DENND1B: variants seen among roughly 807,000 people sequenced by gnomAD.
DENND1B encodes the protein DENN domain containing 1B, also known as DENN domain-containing protein 1B.
DENND1B carries 59 observed loss-of-function variants against 90.1 expected under a neutral mutation model. The observed-to-expected ratio is 0.65, with a 90% CI of 0.53 to 0.81. The LOEUF (loss-of-function observed/expected upper bound fraction) is 0.81. Among genes scored for constraint, DENND1B ranks in the 40% least tolerant of loss-of-function variants. The pLI is 0.00. For synonymous variants in DENND1B, 337 were observed against 324.6 expected (o/e 1.04, Z -0.41); for missense variants, 862 against 912.6 (o/e 0.94, Z 0.71).
chr1:197,604,469 G>A (rs1012266335), intron 13 of DENND1B, among the ~76,000 whole-genome samples: 5 of 151,186 alleles, frequency 3.3e-5, no homozygotes, highest in African/African-American at 7.3e-5. Flanking sequence ...ATGCAACACA[G>A]CAGAGGGTCC....
At chr1:197,626,093 G>C (rs1210487361) in intron 10 of DENND1B, among the ~76,000 whole-genome samples, 1 of 151,974 alleles carries the variant, frequency 6.6e-6, no homozygotes, top group African/African-American at 2.4e-5. Context: ...ACACCCCACT[G>C]TCAACATTAG....
In DENND1B at chr1:197,754,659, CAAAAAAAAAA is replaced by C. The variant is rs57926782; in HGVS notation, c.82+18199_82+18208del. Among the ~76,000 whole-genome samples the C allele has an allele frequency of 3.2e-4, 23 of 72,892 alleles. 1 individual carries two copies. Among genetic ancestry groups the C allele is most frequent in the African/African-American group, 1.1e-3 (20 of 18,074 alleles). The allele number at this position is 72,892 out of a possible 152,430, so 47.8% of individuals were successfully genotyped here. On this transcript the variant is annotated intron_variant, in intron 2 of 22. Coordinates refer to ENST00000620048, the MANE Select transcript of DENND1B (RefSeq NM_001195215.2). ...TGGGCAACAATGCGAGACTCTGTCT[CAAAAAAAAAA>C]AAAAAAAAAAAAAAAAAAACTGATA...
chr1:197,580,582 G>A (rs753374178), intron 15 of DENND1B, among the ~76,000 whole-genome samples: 6 of 152,006 alleles, frequency 3.9e-5, no homozygotes, highest in East Asian at 1.9e-4. Context: ...TTTAAATTTC[G>A]TTTGAGTTTT....
At chr1:197,696,746 TG>T (rs1658468632) in intron 3 of DENND1B, among the ~76,000 whole-genome samples, 1 of 151,454 alleles carries the variant, frequency 6.6e-6, no homozygotes, top group Admixed American at 6.6e-5. Flanking sequence ...TCCTCTGACT[TG>T]TCACTCATTC....
At chr1:197,756,351 G>C (rs897178129) in intron 2 of DENND1B, among the ~76,000 whole-genome samples, 1 of 152,112 alleles carries the variant, frequency 6.6e-6, no homozygotes, top group African/African-American at 2.4e-5. Context: ...GAGGCAGGCA[G>C]ATCACTTGAG....
At chr1:197,628,076 A>G (rs1196065901) in intron 10 of DENND1B, among the ~76,000 whole-genome samples, 3 of 152,208 alleles carry the variant, frequency 2.0e-5, no homozygotes, top group Non-Finnish European at 4.4e-5. Flanking sequence ...GGAAGAATCA[A>G]TATCATGAAA....
At position 197,553,007 on chromosome 1, in the gene DENND1B, G is replaced by A; in HGVS notation, c.1240+15C>T. The A allele has an allele frequency of 1.9e-6, 3 of 1,571,656 alleles. No individual in the cohort carries two copies. The highest frequency in any genetic ancestry group is 2.4e-5 in the South Asian group (2 of 82,160). On this transcript the variant is annotated intron_variant, in intron 16 of 22. Coordinates refer to ENST00000620048, the MANE Select transcript of DENND1B (RefSeq NM_001195215.2). Reference sequence around the variant, plus strand: ...TATTGAGAAAATGGATAATCATATTGTAACTTGTCTTTACCTCCACAAAAG... The same window carrying A: ...TATTGAGAAAATGGATAATCATATTATAACTTGTCTTTACCTCCACAAAAG...
chr1:197,539,367 C>T (rs1045397181), intron 20 of DENND1B, among the ~76,000 whole-genome samples: 1 of 151,904 alleles, frequency 6.6e-6, no homozygotes, highest in African/African-American at 2.4e-5. Context: ...ACTTAAGATA[C>T]AATTTTGTAT....
At chr1:197,588,126 C>T (rs1674871485) in intron 14 of DENND1B, among the ~76,000 whole-genome samples, 1 of 152,200 alleles carries the variant, frequency 6.6e-6, no homozygotes, top group African/African-American at 2.4e-5. Flanking sequence ...CCCTGCCCTG[C>T]AGCACCCAAC....
chr1:197,652,145 T>C, intron 7 of DENND1B, 90 bp downstream of exon 7: 1 of 991,680 alleles, frequency 1.0e-6, no homozygotes, highest in Non-Finnish European at 1.5e-6. Flanking sequence ...AGAGATGACT[T>C]GGTAAAGAAT....
At position 197,713,829 on chromosome 1, in the gene DENND1B, AT is replaced by A. The variant is rs1292417467; in HGVS notation, c.126+1201del. ...TAATATATTATATATAATATATTATATATAATATATTATATTATATTATTAT... is the reference window on the plus strand; with the variant it reads ...TAATATATTATATATAATATATTATAATAATATATTATATTATATTATTAT... On this transcript the variant is annotated intron_variant, in intron 3 of 22. Coordinates refer to ENST00000620048, the MANE Select transcript of DENND1B (RefSeq NM_001195215.2). Among the ~76,000 whole-genome samples, 65 of 27,578 alleles carry A rather than the reference AT, an allele frequency of 2.4e-3. 2 individuals carry two copies. The highest frequency in any genetic ancestry group is 0.026 in the Middle Eastern group (2 of 78). The allele number at this position is 27,578 out of a possible 152,430, so 18.1% of individuals were successfully genotyped here. A position where few individuals can be genotyped will look rare whatever the true frequency, so the allele number is the denominator to read the frequency against.
intron 2 of DENND1B, chr1:197,735,609 C>T (rs1299954471): frequency 2.5e-6 from 4 of 1,614,198 alleles, no homozygotes; most frequent in Non-Finnish European, 3.4e-6. Flanking sequence ...TTGGGGCCAT[C>T]TTTTCTCCTC....
rs1668128621 is a variant in DENND1B, at chr1:197,512,888, GTCA to G, written c.1578_1580del (p.Asp527del). The G allele has an allele frequency of 1.9e-6, 3 of 1,610,300 alleles. No homozygotes were observed. The highest frequency in any genetic ancestry group is 1.7e-5 in the Admixed American group (1 of 59,664). On this transcript the variant is annotated inframe_deletion, in exon 21 of 23. Transcript: ENST00000620048. ...TTACTTACTTGCTTGCTCTTTCAATGTCATCATCATCTTCATCATCATATAGAG... is the reference window on the plus strand; with the variant it reads ...TTACTTACTTGCTTGCTCTTTCAATGTCATCATCTTCATCATCATATAGAG...
At chr1:197,686,793 T>C (rs769146385) in intron 3 of DENND1B, among the ~76,000 whole-genome samples, 1 of 151,920 alleles carries the variant, frequency 6.6e-6, no homozygotes, top group Non-Finnish European at 1.5e-5. Flanking sequence ...TCCTTCTTCA[T>C]ATTGGTGTTC....
intron 5 of DENND1B, among the ~76,000 whole-genome samples, chr1:197,662,236 T>C (rs1251261034): frequency 6.6e-6 from 1 of 152,106 alleles, no homozygotes; most frequent in African/African-American, 2.4e-5. Flanking sequence ...CACTAGTTAG[T>C]TATACGTCCA....
At chr1:197,667,279 T>A (rs1655037427) in intron 5 of DENND1B, among the ~76,000 whole-genome samples, 2 of 152,132 alleles carry the variant, frequency 1.3e-5, no homozygotes, top group Non-Finnish European at 2.9e-5. Context: ...TGCCATCTGG[T>A]TGAACATTTT....
intron 12 of DENND1B, among the ~76,000 whole-genome samples, chr1:197,611,729 T>G (rs932807953): frequency 6.6e-6 from 1 of 150,816 alleles, no homozygotes; most frequent in Admixed American, 6.6e-5. Flanking sequence ...ATGGATTTCA[T>G]GCCATAAAAA....
At chr1:197,726,622 C>G (rs1266401678) in intron 2 of DENND1B, among the ~76,000 whole-genome samples, 2 of 152,136 alleles carry the variant, frequency 1.3e-5, no homozygotes, top group African/African-American at 4.8e-5. Context: ...ACATTAAGAG[C>G]AAAGGCATGA....
chr1:197,574,209 A>C (rs1673441070), intron 15 of DENND1B, among the ~76,000 whole-genome samples: 1 of 152,184 alleles, frequency 6.6e-6, no homozygotes, highest in South Asian at 2.1e-4. Flanking sequence ...CTCAGCCCAA[A>C]ATCTCCTTAA....
Sources: gnomAD v4.1 joint callset for allele counts (sites outside exome capture counted in the v4.1 genomes callset) on GRCh38, gnomAD v4.1.1 for gene constraint, MANE v1.5 for transcripts, NCBI Gene and HGNC (gene_info 2026-07-23, HGNC 2026-07-21) for gene names.